The following TMEM178B variants were observed in gnomAD, a reference collection of about 807,000 sequenced individuals.
TMEM178B encodes the protein transmembrane protein 178B.
Under a neutral mutation model 31.0 loss-of-function variants are expected in TMEM178B, and 5 were observed. The observed-to-expected ratio is 0.16, with a 90% CI of 0.08 to 0.34. The LOEUF (loss-of-function observed/expected upper bound fraction) is 0.34. TMEM178B is among the 10% of genes least tolerant of loss of function. The pLI is 1.00. For synonymous variants in TMEM178B, 164 were observed against 164.0 expected (o/e 1.00, Z 0.00); for missense variants, 275 against 400.3 (o/e 0.69, Z 2.67).
At chr7:141,111,682 A>G (rs1231861432) in intron 1 of TMEM178B, among the ~76,000 whole-genome samples, 6 of 152,162 alleles carry the variant, frequency 3.9e-5, no homozygotes, top group African/African-American at 1.4e-4. Flanking sequence ...GGATTTGCCA[A>G]TGTTAATTCT....
chr7:141,459,015 G>GGTTT lies in TMEM178B; in HGVS notation c.635-11496_635-11493dup, dbSNP rs201056025. Among the ~76,000 whole-genome samples, 827 of 152,044 alleles carry GGTTT rather than the reference G, an allele frequency of 5.4e-3. 4 individuals carry two copies. Among genetic ancestry groups the GGTTT allele is most frequent in the Non-Finnish European group, 8.1e-3 (548 of 67,958 alleles). ...CTCCTTTAGATTTCAATGTTTTTTT[G>GGTTT]GTTTGTTTGTTTGTTTGTTTGTTTG... On this transcript the variant is annotated intron_variant, in intron 3 of 3. Transcript: ENST00000565468.
At chr7:141,088,402 G>T (rs2129171924) in intron 1 of TMEM178B, among the ~76,000 whole-genome samples, 1 of 152,168 alleles carries the variant, frequency 6.6e-6, no homozygotes, top group South Asian at 2.1e-4. Context: ...TCTGTGTGTA[G>T]CTCTATTCTT....
chr7:141,261,564 G>A (rs1798012513), intron 2 of TMEM178B, among the ~76,000 whole-genome samples: 1 of 152,120 alleles, frequency 6.6e-6, no homozygotes, highest in Non-Finnish European at 1.5e-5. Flanking sequence ...AGCTAACAAA[G>A]CAGCAGTTCA....
chr7:141,282,187 A>T (rs768567279), intron 2 of TMEM178B, among the ~76,000 whole-genome samples: 12 of 152,196 alleles, frequency 7.9e-5, no homozygotes, highest in Non-Finnish European at 1.3e-4. Flanking sequence ...GGCCAGGGAA[A>T]TAGGAGGAAA....
At chr7:141,308,704 A>G (rs1244600468) in intron 2 of TMEM178B, among the ~76,000 whole-genome samples, 1 of 152,198 alleles carries the variant, frequency 6.6e-6, no homozygotes, top group Non-Finnish European at 1.5e-5. Flanking sequence ...AGAACACAGC[A>G]TGAAAACCAT....
At chr7:141,320,530 C>T (rs903389276) in intron 2 of TMEM178B, among the ~76,000 whole-genome samples, 4 of 152,150 alleles carry the variant, frequency 2.6e-5, no homozygotes, top group African/African-American at 9.7e-5. Flanking sequence ...TGGCCCGTCT[C>T]ACCTTGGTTC....
At chr7:141,469,891 C>T (rs1802208346) in intron 3 of TMEM178B, among the ~76,000 whole-genome samples, 3 of 152,150 alleles carry the variant, frequency 2.0e-5, no homozygotes, top group Non-Finnish European at 4.4e-5. Flanking sequence ...GTGGATGATG[C>T]GTGTTCATGG....
intron 3 of TMEM178B, among the ~76,000 whole-genome samples, chr7:141,458,281 G>A (rs928102214): frequency 2.6e-5 from 4 of 152,058 alleles, no homozygotes; most frequent in Non-Finnish European, 5.9e-5. Flanking sequence ...CACCACACCC[G>A]GCTGATTTTG....
At chr7:141,348,882 C>A in intron 2 of TMEM178B, among the ~76,000 whole-genome samples, 1 of 152,170 alleles carries the variant, frequency 6.6e-6, no homozygotes, top group East Asian at 1.9e-4. Flanking sequence ...TGTCAGCATC[C>A]TGTTGAGAGT....
At chr7:141,116,759 G>A (rs527975595) in intron 1 of TMEM178B, among the ~76,000 whole-genome samples, 11 of 152,094 alleles carry the variant, frequency 7.2e-5, no homozygotes, top group South Asian at 6.2e-4. Flanking sequence ...GAGTGAGAGC[G>A]TGCAGTGTTT....
intron 2 of TMEM178B, among the ~76,000 whole-genome samples, chr7:141,323,625 A>C (rs1166016945): frequency 6.6e-6 from 1 of 152,192 alleles, no homozygotes; most frequent in Non-Finnish European, 1.5e-5. Context: ...TGGAGTGCCA[A>C]GTACTGTATT....
intron 2 of TMEM178B, among the ~76,000 whole-genome samples, chr7:141,433,812 A>G (rs1434303290): frequency 6.6e-6 from 1 of 152,208 alleles, no homozygotes; most frequent in African/African-American, 2.4e-5. Context: ...AGGTCTAAGG[A>G]CAAAGTAACC....
At chr7:141,108,697 A>C (rs927090655) in intron 1 of TMEM178B, among the ~76,000 whole-genome samples, 2 of 152,106 alleles carry the variant, frequency 1.3e-5, no homozygotes, top group African/African-American at 4.8e-5. Flanking sequence ...GGCTCACTTG[A>C]GGGCTGTGGT....
At chr7:141,486,320 T>C in the TMEM178B span, among the ~76,000 whole-genome samples, 1 of 152,202 alleles carries the variant, frequency 6.6e-6, no homozygotes, top group Non-Finnish European at 1.5e-5. Context: ...ATTCAGGTGA[T>C]GGATACCCTT....
intron 2 of TMEM178B, among the ~76,000 whole-genome samples, chr7:141,292,266 T>C (rs1319566975): frequency 6.6e-6 from 1 of 152,246 alleles, no homozygotes; most frequent in Non-Finnish European, 1.5e-5. Context: ...GTTGAATTTC[T>C]CCCCTCCTTC....
intron 2 of TMEM178B, among the ~76,000 whole-genome samples, chr7:141,341,823 C>A (rs866562877): frequency 6.6e-6 from 1 of 152,204 alleles, no homozygotes; most frequent in Admixed American, 6.5e-5. Context: ...TTTCCATTAG[C>A]CCTGTTCTAC....
chr7:141,291,117 G>A (rs541176623), intron 2 of TMEM178B, among the ~76,000 whole-genome samples: 2 of 152,298 alleles, frequency 1.3e-5, no homozygotes, highest in East Asian at 3.9e-4. Flanking sequence ...CCAGGAGATA[G>A]CAGGATTCTC....
intron 2 of TMEM178B, among the ~76,000 whole-genome samples, chr7:141,405,474 CTT>C (rs1258378153): frequency 4.6e-5 from 7 of 152,232 alleles, no homozygotes; most frequent in African/African-American, 1.7e-4. Flanking sequence ...AGTTTCCTAA[CTT>C]AAGGAGGAGA....
At chr7:141,212,181 C>T (rs1380802924) in intron 1 of TMEM178B, among the ~76,000 whole-genome samples, 5 of 152,150 alleles carry the variant, frequency 3.3e-5, no homozygotes, top group African/African-American at 1.2e-4. Context: ...CTCACCATTC[C>T]AGAAAATTGT....
Sources: allele counts gnomAD v4.1 joint callset (sites outside exome capture counted in the v4.1 genomes callset), GRCh38; gene constraint gnomAD v4.1.1; transcripts MANE v1.5; gene names NCBI Gene and HGNC (gene_info 2026-07-23, HGNC 2026-07-21).